Variants in CTNNA3 observed in about 807,000 individuals in gnomAD.
CTNNA3 encodes catenin alpha-3.
CTNNA3 carries 76 observed loss-of-function variants against 95.7 expected under a neutral mutation model. The ratio of observed to expected loss-of-function variants is 0.79; its 90% CI spans 0.66 to 0.96. The LOEUF (loss-of-function observed/expected upper bound fraction) is 0.96, where lower values mean the gene tolerates loss of function less well. Among genes scored for constraint, CTNNA3 ranks in the 40% least tolerant of loss-of-function variants. The pLI is 0.00. For synonymous variants in CTNNA3, 431 were observed against 374.4 expected, an observed-to-expected ratio of 1.15 and a Z score of -1.74; for missense variants, 1,191 against 1,089.8, an observed-to-expected ratio of 1.09 and a Z score of -1.31.
In CTNNA3 at chr10:66,807,769, G is replaced by A. The variant is rs139915702; in HGVS notation, c.1048-32245C>T. ...TTAAAAAGTTATCTTCCCCAGGCCTGTTTCTTCCTCAGAAAGTTGAATTAG... is the reference window on the plus strand; with the variant it reads ...TTAAAAAGTTATCTTCCCCAGGCCTATTTCTTCCTCAGAAAGTTGAATTAG... On this transcript the variant is annotated intron_variant, in intron 7 of 17. Transcript: ENST00000433211. Among the ~76,000 whole-genome samples, 361 of 152,156 alleles carry A rather than the reference G, an allele frequency of 2.4e-3. 4 individuals carry two copies. In the East Asian group the frequency reaches 0.024, roughly 10 times the overall value.
intron 13 of CTNNA3, among the ~76,000 whole-genome samples, chr10:66,115,579 TGATAGATAGATAG>T (rs1436363400): frequency 5.4e-4 from 68 of 125,912 alleles, no homozygotes; most frequent in East Asian, 1.8e-3. Flanking sequence ...GACAGATAGA[TGATAGATAGATAG>T]AGATAGAGAT....
intron 12 of CTNNA3, among the ~76,000 whole-genome samples, chr10:66,325,503 T>G (rs959360834): frequency 6.6e-6 from 1 of 152,050 alleles, no homozygotes; most frequent in Admixed American, 6.5e-5. Context: ...CCTTGATCTC[T>G]GAAAGTGCTG....
rs10997217 is a variant in CTNNA3 at position 66,520,440 on chromosome 10, G to A, written c.1531+177C>T. 7.9e-3 allele frequency among the ~76,000 whole-genome samples: 1,193 copies of A among 151,072 alleles called. 21 individuals are homozygous for A. Among genetic ancestry groups the A allele is most frequent in the African/African-American group, 0.028 (1,147 of 41,222 alleles). The stretch of plus-strand genomic sequence containing the variant: ...CTAATTTTTGTATTTTTAGTAGAGC[G>A]GGGGTTTCATCATGTTGGCCAGGCT... On this transcript the variant is annotated intron_variant, in intron 11 of 17. Coordinates refer to ENST00000433211, the MANE Select transcript of CTNNA3 (RefSeq NM_013266.4).
chr10:66,418,825 C>A (rs1307116378), intron 11 of CTNNA3, among the ~76,000 whole-genome samples: 1 of 152,004 alleles, frequency 6.6e-6, no homozygotes, highest in Non-Finnish European at 1.5e-5. Flanking sequence ...ATTCAACATA[C>A]CTTCATGATA....
intron 7 of CTNNA3, among the ~76,000 whole-genome samples, chr10:67,168,761 A>G (rs185629346): frequency 2.0e-5 from 3 of 152,176 alleles, no homozygotes; most frequent in Non-Finnish European, 4.4e-5. Flanking sequence ...ATTCAACATC[A>G]TATTAGAAGT....
rs201258598 is a variant in CTNNA3 at position 67,493,211 on chromosome 10, G to GAA, written c.579+28629_579+28630dup. On this transcript the variant is annotated intron_variant, in intron 5 of 17. Transcript: ENST00000433211. ...AAGCTTCACCTAGCTCAACGTGGGG[G>GAA]AAAAAAAAAAAAAAGCTCGCAAAAG... Among the ~76,000 whole-genome samples the GAA allele has an allele frequency of 3.9e-4, 54 of 136,740 alleles. No individual in the cohort carries two copies. In the East Asian group the frequency reaches 4.2e-3, roughly 11 times the overall value. 89.7% of individuals were successfully genotyped at this position (136,740 alleles called of 152,430 possible).
chr10:67,054,511 A>T (rs1855305019), intron 7 of CTNNA3: 1 of 152,190 alleles, frequency 6.6e-6, no homozygotes, highest in Non-Finnish European at 1.5e-5. Flanking sequence ...GGGTTCAACA[A>T]TGGCGACTTT....
rs1039650912 is a variant in CTNNA3, at chr10:67,287,105, G to A, written c.580-67235C>T. ...TTATAATCCCAGCACTTTGGGAGGC[G>A]GAGGCAGGTGGATCATGAGGTCAGG... On this transcript the variant is annotated intron_variant, in intron 5 of 17. Coordinates refer to ENST00000433211, the MANE Select transcript of CTNNA3 (RefSeq NM_013266.4). Among the ~76,000 whole-genome samples the A allele has an allele frequency of 7.9e-5, 12 of 152,070 alleles. No individual in the cohort carries two copies. In the East Asian group the frequency reaches 1.9e-3, roughly 25 times the overall value.
At chr10:67,555,387 C>T (rs1589420109) in intron 3 of CTNNA3, among the ~76,000 whole-genome samples, 1 of 152,156 alleles carries the variant, frequency 6.6e-6, no homozygotes, top group Non-Finnish European at 1.5e-5. Context: ...TATCCATGAG[C>T]ATGGAATGTT....
At chr10:67,597,042 G>A (rs1209125866) in intron 3 of CTNNA3, among the ~76,000 whole-genome samples, 3 of 152,094 alleles carry the variant, frequency 2.0e-5, no homozygotes, top group African/African-American at 7.2e-5. Context: ...TCCTCAGCTT[G>A]ATCTATTCTG....
chr10:67,248,095 G>C (rs1328259326), intron 5 of CTNNA3, among the ~76,000 whole-genome samples: 1 of 152,156 alleles, frequency 6.6e-6, no homozygotes, highest in Non-Finnish European at 1.5e-5. Flanking sequence ...CTCACGGCAG[G>C]TGGATCACTT....
chr10:66,216,161 C>A (rs1317683832), intron 13 of CTNNA3, among the ~76,000 whole-genome samples: 8 of 152,232 alleles, frequency 5.3e-5, no homozygotes, highest in Non-Finnish European at 8.8e-5. Context: ...ACATCCTTGA[C>A]CATAAATCCT....
chr10:66,819,436 G>C (rs181989046), intron 7 of CTNNA3, among the ~76,000 whole-genome samples: 33 of 152,078 alleles, frequency 2.2e-4, no homozygotes, highest in South Asian at 8.3e-4. Context: ...TTAGTCAATA[G>C]TTTCTTAGGT....
intron 12 of CTNNA3, among the ~76,000 whole-genome samples, chr10:66,295,201 A>C (rs953969384): frequency 6.7e-6 from 1 of 149,884 alleles, no homozygotes; most frequent in Non-Finnish European, 1.5e-5. Flanking sequence ...TTATTATTAC[A>C]TTGTAATAGA....
chr10:66,562,051 T>G (rs886630371), intron 10 of CTNNA3, among the ~76,000 whole-genome samples: 9 of 151,994 alleles, frequency 5.9e-5, no homozygotes, highest in Non-Finnish European at 1.2e-4. Flanking sequence ...TGAATAGAAC[T>G]AGGAGTCAGA....
chr10:66,360,727 T>G (rs187849306), intron 12 of CTNNA3, among the ~76,000 whole-genome samples: 1 of 17,606 alleles, frequency 5.7e-5, no homozygotes, highest in South Asian at 3.7e-3. Context: ...TTTCTTCCTT[T>G]CTTTCTTTCT....
At chr10:66,433,621 T>C (rs1462128073) in intron 11 of CTNNA3, among the ~76,000 whole-genome samples, 5 of 152,234 alleles carry the variant, frequency 3.3e-5, no homozygotes, top group Admixed American at 3.3e-4. Flanking sequence ...GTAGTTTCTT[T>C]CACCGTGCAG....
chr10:67,115,601 C>T (rs552103733), intron 7 of CTNNA3, among the ~76,000 whole-genome samples: 84 of 151,776 alleles, frequency 5.5e-4, no homozygotes, highest in Middle Eastern at 6.8e-3. Flanking sequence ...CAAAATTAGC[C>T]ACAGGATTTA....
At chr10:66,965,352 T>A (rs894460542) in intron 7 of CTNNA3, among the ~76,000 whole-genome samples, 1 of 151,906 alleles carries the variant, frequency 6.6e-6, no homozygotes, top group Non-Finnish European at 1.5e-5. Flanking sequence ...TTGGCCAACA[T>A]GGTGAAACCC....
Sources: allele counts gnomAD v4.1 joint callset (sites outside exome capture counted in the v4.1 genomes callset), GRCh38; gene constraint gnomAD v4.1.1; transcripts MANE v1.5; gene names NCBI Gene and HGNC (gene_info 2026-07-23, HGNC 2026-07-21).